The following QRFPR variants were observed in gnomAD, a reference collection of about 807,000 sequenced individuals.
The protein encoded by QRFPR is pyroglutamylated RFamide peptide receptor, also known as pyroglutamylated RF-amide peptide receptor.
QRFPR carries 37 observed loss-of-function variants against 31.3 expected under a neutral mutation model. That is an observed-to-expected ratio of 1.18 (90% CI 0.91 to 1.56). The LOEUF is 1.56. QRFPR is among the 40% of genes most tolerant of loss of function. The probability of loss-of-function intolerance (pLI) is 0.00; values close to 1 mark genes in which losing one functional copy is unlikely to be tolerated. For missense variants in QRFPR, 542 were observed against 532.5 expected, an observed-to-expected ratio of 1.02 and a Z score of -0.18; for synonymous variants, 197 against 192.0, an observed-to-expected ratio of 1.03 and a Z score of -0.22.
chr4:121,353,850 T>C (rs989065201), intron 1 of QRFPR, among the ~76,000 whole-genome samples: 7 of 152,258 alleles, frequency 4.6e-5, no homozygotes, highest in African/African-American at 1.7e-4. Context: ...TTTTAGGTCT[T>C]AGATTTACAT....
At chr4:121,338,205 T>C (rs1296718518) in intron 2 of QRFPR, among the ~76,000 whole-genome samples, 1 of 152,208 alleles carries the variant, frequency 6.6e-6, no homozygotes, top group Non-Finnish European at 1.5e-5. Flanking sequence ...ACCATACACA[T>C]CTGTTCTATT....
chr4:121,346,742 A>T (rs1484173023), intron 1 of QRFPR, among the ~76,000 whole-genome samples: 1 of 152,230 alleles, frequency 6.6e-6, no homozygotes, highest in Non-Finnish European at 1.5e-5. Flanking sequence ...TTTGTCATGG[A>T]TGGGTGTTGA....
At chr4:121,370,812 T>C (rs1726227584) in intron 1 of QRFPR, among the ~76,000 whole-genome samples, 1 of 152,188 alleles carries the variant, frequency 6.6e-6, no homozygotes, top group African/African-American at 2.4e-5. Flanking sequence ...AGAAATCAAA[T>C]GGGAAGTAAG....
At chr4:121,341,707 C>T (rs1278684040) in intron 1 of QRFPR, among the ~76,000 whole-genome samples, 1 of 149,306 alleles carries the variant, frequency 6.7e-6, no homozygotes, top group Admixed American at 6.6e-5. Flanking sequence ...CATGTGTAGA[C>T]TTCGGTCTCA....
At chr4:121,349,571 T>C (rs536953370) in intron 1 of QRFPR, among the ~76,000 whole-genome samples, 1 of 152,300 alleles carries the variant, frequency 6.6e-6, no homozygotes, top group South Asian at 2.1e-4. Context: ...GAAGTCAGTC[T>C]CATCTTAAAT....
At chr4:121,352,722 G>A (rs137912685) in intron 1 of QRFPR, among the ~76,000 whole-genome samples, 3 of 152,000 alleles carry the variant, frequency 2.0e-5, no homozygotes, top group East Asian at 1.9e-4. Flanking sequence ...CTTTGTGTTA[G>A]GAACATTCCA....
chr4:121,330,477 A>G lies in QRFPR; in HGVS notation c.844T>C (p.Phe282Leu). 2.5e-6 allele frequency: 4 copies of G among 1,614,064 alleles called. No individual in the cohort carries two copies. Among genetic ancestry groups the G allele is most frequent in the Non-Finnish European group, 3.4e-6 (4 of 1,179,928 alleles). Reference protein sequence around the residue: ...VIMMVTVVALFAVCWAPFHVV... With the variant: ...VIMMVTVVALLAVCWAPFHVV... ...TGGAATGGTGCCCAGCACACAGCAA[A>G]GAGAGCCACCACTGTCACCATCATA... Residue 282 changes from phenylalanine to leucine, a missense_variant, in exon 5 of 6, where the codon TTT becomes CTT. Physicochemically the swap from Phe to Leu is conservative, Grantham distance 22 (BLOSUM62 0). Coordinates refer to ENST00000394427, the MANE Select transcript of QRFPR (RefSeq NM_198179.3).
intron 1 of QRFPR, among the ~76,000 whole-genome samples, chr4:121,376,120 AC>A (rs1478643742): frequency 6.6e-6 from 1 of 152,142 alleles, no homozygotes; most frequent in Non-Finnish European, 1.5e-5. Flanking sequence ...CAGAGACAAA[AC>A]TTTCCTAAAG....
At chr4:121,375,097 C>T (rs1434240502) in intron 1 of QRFPR, among the ~76,000 whole-genome samples, 1 of 152,188 alleles carries the variant, frequency 6.6e-6, no homozygotes, top group Non-Finnish European at 1.5e-5. Flanking sequence ...CTTCTTAATG[C>T]TTAGAGTCAT....
At chr4:121,363,585 G>A (rs756213202) in intron 1 of QRFPR, among the ~76,000 whole-genome samples, 3 of 149,838 alleles carry the variant, frequency 2.0e-5, no homozygotes, top group Non-Finnish European at 4.4e-5. Flanking sequence ...TTTGGAAAAA[G>A]AATAAGGAAA....
chr4:121,344,608 C>A (rs1164502116), intron 1 of QRFPR, among the ~76,000 whole-genome samples: 2 of 152,088 alleles, frequency 1.3e-5, no homozygotes, highest in Non-Finnish European at 2.9e-5. Flanking sequence ...CTTTTGCTAT[C>A]TACTTACTTA....
intron 1 of QRFPR, among the ~76,000 whole-genome samples, chr4:121,342,859 G>T (rs973792423): frequency 6.6e-6 from 1 of 152,126 alleles, no homozygotes; most frequent in African/African-American, 2.4e-5. Flanking sequence ...ATTGGAAAAA[G>T]TGCTTTTAAA....
rs185383982 is a variant in QRFPR at position 121,351,274 on chromosome 4, T to C, written c.341-10664A>G. 7.9e-5 allele frequency among the ~76,000 whole-genome samples: 12 copies of C among 152,324 alleles called. No individual in the cohort carries two copies. The East Asian group carries it at 1.9e-3, about 24-fold the overall frequency. ...TGTGAGTCTCACAAATATCAGACTT[T>C]TAGGTTTTACTTTGTGGGAGCCACA... On this transcript the variant is annotated intron_variant, in intron 1 of 5. Transcript: ENST00000394427.
rs1560749384 is a variant in QRFPR, at chr4:121,380,330, G to A, written c.318C>T (p.Asn106=). 2 of 1,613,624 alleles carry A rather than the reference G, an allele frequency of 1.2e-6. No homozygotes were observed. The highest frequency in any genetic ancestry group is 2.2e-5 in the East Asian group (1 of 44,854). The part of the protein sequence containing the change: ...FFCIPVTMLQ[N]ISDNWLGGAF... ...TACCCCCCAGCCAGTTGTCGGAAAT[G>A]TTCTGGAGCATGGTGACGGGAATGC... The change falls in exon 1 of 6, where the codon AAC becomes AAT. Residue 106 remains asparagine (N), a synonymous_variant. Transcript: ENST00000394427.
In QRFPR at chr4:121,340,508, A is replaced by T; in HGVS notation, c.443T>A (p.Val148Glu). ...TTGCCACTTCATTTTAAAAGGATGC[A>T]CAAGTCCCTGGTGCCTTTCCACAGC... ...CIAVERHQGL[V>E]HPFKMKWQYT... Residue 148 changes from valine to glutamate, a missense_variant, in exon 2 of 6, where the codon GTG (valine) becomes GAG (glutamate). Coordinates refer to ENST00000394427, the MANE Select transcript of QRFPR (RefSeq NM_198179.3). The T allele has an allele frequency of 6.2e-7, 1 of 1,614,104 alleles. No individual in the cohort carries two copies. The highest frequency in any genetic ancestry group is 1.1e-5 in the South Asian group (1 of 91,084).
chr4:121,369,395 A>ACCTT, intron 1 of QRFPR: 1 of 716,320 alleles, frequency 1.4e-6, no homozygotes, highest in South Asian at 1.8e-5. Context: ...AGTGCAAGAA[A>ACCTT]CCTTCTTTAC....
chr4:121,359,180 C>A (rs10518388), intron 1 of QRFPR, among the ~76,000 whole-genome samples: 11,446 of 152,186 alleles, frequency 0.075, 529 homozygotes, highest in Non-Finnish European at 0.1. Context: ...TAAATTGCTT[C>A]ATTACCTGCC....
intron 1 of QRFPR, among the ~76,000 whole-genome samples, chr4:121,366,602 CT>C (rs1009446999): frequency 1.3e-5 from 2 of 149,748 alleles, no homozygotes; most frequent in African/African-American, 5.0e-5. Context: ...CAATGAGCCC[CT>C]ATGAGGTCAC....
At chr4:121,365,618 ATATTAT>A (rs1726112292) in intron 1 of QRFPR, among the ~76,000 whole-genome samples, 2 of 10,948 alleles carry the variant, frequency 1.8e-4, no homozygotes, top group Admixed American at 2.0e-3. Context: ...TATATTATAT[ATATTAT>A]ATATTATATA....
Sources: gnomAD v4.1 joint callset for allele counts (sites outside exome capture counted in the v4.1 genomes callset) on GRCh38, gnomAD v4.1.1 for gene constraint, MANE v1.5 for transcripts, NCBI Gene and HGNC (gene_info 2026-07-23, HGNC 2026-07-21) for gene names.